ACSL6: variants seen among roughly 807,000 people sequenced by gnomAD.
ACSL6 encodes long-chain-fatty-acid--CoA ligase 6.
Under a neutral mutation model 98.2 loss-of-function variants are expected in ACSL6, and 47 were observed. The ratio of observed to expected loss-of-function variants is 0.48; its 90% CI spans 0.38 to 0.61. The LOEUF is 0.61. ACSL6 is among the 20% of genes least tolerant of loss of function. The pLI, the probability that ACSL6 is intolerant of heterozygous loss-of-function variation, is 0.00. For missense variants in ACSL6, 761 were observed against 913.4 expected, an observed-to-expected ratio of 0.83 and a Z score of 2.15; for synonymous variants, 362 against 336.9, an observed-to-expected ratio of 1.07 and a Z score of -0.82.
intron 9 of ACSL6, chr5:131,981,943 T>C (rs1034791708): frequency 2.0e-5 from 3 of 152,558 alleles, no homozygotes; most frequent in Non-Finnish European, 2.9e-5. Flanking sequence ...CTGCAACCTC[T>C]GCCTCCCAGG....
At chr5:131,990,629 C>A (rs1035247981) in intron 3 of ACSL6, among the ~76,000 whole-genome samples, 9 of 152,176 alleles carry the variant, frequency 5.9e-5, no homozygotes, top group Non-Finnish European at 1.0e-4. Flanking sequence ...GGCCTAAGGT[C>A]AAGCTGCCCC....
intron 15 of ACSL6, among the ~76,000 whole-genome samples, chr5:131,969,340 C>T (rs1415822736): frequency 6.6e-6 from 1 of 152,080 alleles, no homozygotes; most frequent in East Asian, 1.9e-4. Flanking sequence ...GCATTTTTTC[C>T]TTAGTCCTGT....
chr5:131,998,396 G>T (rs1233251512), intron 1 of ACSL6, among the ~76,000 whole-genome samples: 1 of 152,204 alleles, frequency 6.6e-6, no homozygotes, highest in Non-Finnish European at 1.5e-5. Context: ...CCAAGTGGTA[G>T]CTAAGGCTAA....
chr5:131,954,138 T>C lies in ACSL6; in HGVS notation c.*96A>G, dbSNP rs1752277937. 7.6e-7 allele frequency: 1 copy of C among 1,317,664 alleles called. No homozygotes were observed. The highest frequency in any genetic ancestry group is 1.5e-5 in the African/African-American group (1 of 66,332). 81.6% of individuals were successfully genotyped at this position (1,317,664 alleles called of 1,614,324 possible). A position where few individuals can be genotyped will look rare whatever the true frequency, so the allele number is the denominator to read the frequency against. ...GCTCAGTCATAAAATCAGATGCTTATTCATTTTCAGCTGTGTCATTTTGAC... is the reference window on the plus strand; with the variant it reads ...GCTCAGTCATAAAATCAGATGCTTACTCATTTTCAGCTGTGTCATTTTGAC... On this transcript the variant is annotated 3_prime_UTR_variant, in exon 21 of 21. Coordinates refer to ENST00000651883, the MANE Select transcript of ACSL6 (RefSeq NM_001009185.3).
chr5:131,952,059 CT>C lies in ACSL6; in HGVS notation c.*2174del. 2 of 179,550 alleles carry C rather than the reference CT, an allele frequency of 1.1e-5. No homozygotes were observed. Among genetic ancestry groups the C allele is most frequent in the Admixed American group, 6.3e-5 (1 of 15,880 alleles). The allele number at this position is 179,550 out of a possible 1,614,324, so 11.1% of individuals were successfully genotyped here. A position where few individuals can be genotyped will look rare whatever the true frequency, so the allele number is the denominator to read the frequency against. ...GTAGGAGGACAATGGGAAACAGATT[CT>C]TTTTTTGTTGTTATTGAAATGTAAG... is the stretch of plus-strand genomic sequence containing the variant. On this transcript the variant is annotated 3_prime_UTR_variant, in exon 21 of 21. Transcript: ENST00000651883.
chr5:131,973,554 G>A (rs576699215), intron 11 of ACSL6, 154 bp from the exon 12 acceptor site: 317 of 686,492 alleles, frequency 4.6e-4, no homozygotes, highest in Non-Finnish European at 6.1e-4. Flanking sequence ...AATGCCATCT[G>A]AGGTGACCCC....
At chr5:132,003,997 A>C (rs1755240585) in intron 1 of ACSL6, among the ~76,000 whole-genome samples, 1 of 152,176 alleles carries the variant, frequency 6.6e-6, no homozygotes, top group Non-Finnish European at 1.5e-5. Context: ...GGGAAGAAAA[A>C]AGTGCTGGTA....
At chr5:132,001,994 A>T (rs1755109871) in intron 1 of ACSL6, 1 of 152,242 alleles carries the variant, frequency 6.6e-6, no homozygotes, top group African/African-American at 2.4e-5. Flanking sequence ...ATTAGGCAGG[A>T]CAAAGTTCTC....
chr5:132,011,460 C>A lies in ACSL6; in HGVS notation c.49+45G>T. 6.3e-7 allele frequency: 1 copy of A among 1,594,802 alleles called. No individual in the cohort carries two copies. The highest frequency in any genetic ancestry group is 1.1e-5 in the South Asian group (1 of 90,524). On this transcript the variant is annotated intron_variant, in intron 1 of 20. Coordinates refer to ENST00000651883, the MANE Select transcript of ACSL6 (RefSeq NM_001009185.3). This position sits in a 1 kb window ranked among gnomAD's most constrained non-coding sequence, Gnocchi z 5.4. ...CCACCTCGGGCGAAGACCTCATAGC[C>A]TGCGGGAGATGGGAGTCCGGGACGC...
chr5:131,956,062 C>T (rs976861233), intron 20 of ACSL6, among the ~76,000 whole-genome samples: 6 of 152,106 alleles, frequency 3.9e-5, no homozygotes, highest in African/African-American at 1.4e-4. Flanking sequence ...GCCTGGGTTT[C>T]GGCTTGTCTG....
At chr5:131,991,065 C>T in intron 2 of ACSL6, 98 bp from the exon 3 acceptor site, 2 of 977,278 alleles carry the variant, frequency 2.0e-6, no homozygotes, top group South Asian at 1.4e-5. Flanking sequence ...CTCGGATGTA[C>T]AACCCGTGCA....
At position 131,952,131 on chromosome 5, in the gene ACSL6, T is replaced by C. The variant is rs1232250124; in HGVS notation, c.*2103A>G. On this transcript the variant is annotated 3_prime_UTR_variant, in exon 21 of 21. Coordinates refer to ENST00000651883, the MANE Select transcript of ACSL6 (RefSeq NM_001009185.3). The stretch of plus-strand genomic sequence containing the variant: ...ATGAATATCCAGTTCAGGTAACAAC[T>C]TTCACTTTTAATTAGTCAAATATAT... 2 of 180,976 alleles carry C rather than the reference T, an allele frequency of 1.1e-5. No homozygotes were observed. Among genetic ancestry groups the C allele is most frequent in the Non-Finnish European group, 2.4e-5 (2 of 84,724 alleles). 11.2% of individuals were successfully genotyped at this position (180,976 alleles called of 1,614,324 possible). A position where few individuals can be genotyped will look rare whatever the true frequency, so the allele number is the denominator to read the frequency against.
At chr5:131,986,444 A>G (rs762114953) in intron 8 of ACSL6, among the ~76,000 whole-genome samples, 11 of 152,240 alleles carry the variant, frequency 7.2e-5, no homozygotes, top group Non-Finnish European at 1.2e-4. Context: ...GAACAAAGAC[A>G]GCAGATGCCA....
At chr5:132,003,199 C>T (rs1162875446) in intron 1 of ACSL6, among the ~76,000 whole-genome samples, 2 of 152,236 alleles carry the variant, frequency 1.3e-5, no homozygotes, top group Non-Finnish European at 2.9e-5. Context: ...CTGAATGCCT[C>T]AAGAAGAAAC....
intron 1 of ACSL6, among the ~76,000 whole-genome samples, chr5:132,001,315 C>T (rs1755072550): frequency 6.6e-6 from 1 of 152,160 alleles, no homozygotes; most frequent in African/African-American, 2.4e-5. Context: ...CATGTACAAC[C>T]CTGACCTGCA....
chr5:131,981,233 A>C (rs1447794224), intron 9 of ACSL6, among the ~76,000 whole-genome samples: 1 of 151,334 alleles, frequency 6.6e-6, no homozygotes, highest in Non-Finnish European at 1.5e-5. Context: ...CACTTTCAGG[A>C]TCTCCAGAAG....
intron 15 of ACSL6, among the ~76,000 whole-genome samples, chr5:131,969,815 A>C (rs537928755): frequency 1.3e-5 from 2 of 152,258 alleles, no homozygotes; most frequent in South Asian, 4.1e-4. Context: ...CCACACCCTC[A>C]TTCTGAGGAG....
chr5:131,954,423 A>C (rs1752291744), intron 20 of ACSL6, 52 bp from the exon 21 acceptor site: 2 of 1,567,222 alleles, frequency 1.3e-6, no homozygotes, highest in Non-Finnish European at 1.7e-6. Flanking sequence ...CACAGTATTT[A>C]TAGTATACAT....
At chr5:132,000,076 C>T (rs938730510) in intron 1 of ACSL6, among the ~76,000 whole-genome samples, 1 of 151,994 alleles carries the variant, frequency 6.6e-6, no homozygotes, top group African/African-American at 2.4e-5. Flanking sequence ...GCACTGAGGG[C>T]GACTGTACCA....
Sources: allele counts gnomAD v4.1 joint callset (sites outside exome capture counted in the v4.1 genomes callset), GRCh38; gene constraint gnomAD v4.1.1; non-coding constraint Gnocchi (gnomAD v3.1); transcripts MANE v1.5; gene names NCBI Gene and HGNC (gene_info 2026-07-23, HGNC 2026-07-21).